Variants in EBF3 observed in about 807,000 individuals in gnomAD.
The protein encoded by EBF3 is EBF transcription factor 3.
In EBF3, 18 loss-of-function variants were observed where a neutral mutation model predicts 77.1. That is an observed-to-expected ratio of 0.23 (90% CI 0.16 to 0.35). The LOEUF (loss-of-function observed/expected upper bound fraction) is 0.35. EBF3 is among the 10% of genes least tolerant of loss of function. The pLI, the probability that EBF3 is intolerant of heterozygous loss-of-function variation, is 1.00. For missense variants in EBF3, 558 were observed against 860.0 expected (o/e 0.65, Z 4.39); for synonymous variants, 350 against 343.5 (o/e 1.02, Z -0.21).
intron 6 of EBF3, among the ~76,000 whole-genome samples, chr10:129,933,685 G>C (rs1392378775): frequency 6.6e-6 from 1 of 152,302 alleles, no homozygotes; most frequent in East Asian, 1.9e-4. Flanking sequence ...ACCTTCACTC[G>C]ATGTCCTCTA....
At position 129,912,777 on chromosome 10, in the gene EBF3, T is replaced by G. The variant is rs117994297; in HGVS notation, c.555-34928A>C. Among the ~76,000 whole-genome samples the G allele has an allele frequency of 1.6e-4, 24 of 152,368 alleles. No homozygotes were observed. The East Asian group carries it at 4.6e-3, about 29-fold the overall frequency. On this transcript the variant is annotated intron_variant, in intron 6 of 16. Coordinates refer to ENST00000440978, the MANE Select transcript of EBF3 (RefSeq NM_001375380.1). ...GTAGAAATATCAATATTTGAATAAA[T>G]TGTGGATTTTAAACTTCTCACTCTG...
intron 6 of EBF3, among the ~76,000 whole-genome samples, chr10:129,942,037 C>T (rs562244282): frequency 1.3e-5 from 2 of 152,294 alleles, no homozygotes; most frequent in South Asian, 2.1e-4. Flanking sequence ...GCTGTTGACC[C>T]CTGTGTCCCC....
chr10:129,876,233 C>G (rs771538677), intron 7 of EBF3, among the ~76,000 whole-genome samples: 6 of 152,182 alleles, frequency 3.9e-5, no homozygotes, highest in Non-Finnish European at 8.8e-5. Flanking sequence ...AGGTCAGTTA[C>G]ACCTTCTGAG....
chr10:129,852,927 A>C (rs1850996834), intron 10 of EBF3, among the ~76,000 whole-genome samples: 1 of 152,180 alleles, frequency 6.6e-6, no homozygotes, highest in Non-Finnish European at 1.5e-5. Flanking sequence ...GAGCAGAGGG[A>C]ACTGCTGCAA....
intron 6 of EBF3, among the ~76,000 whole-genome samples, chr10:129,886,869 G>A (rs574780360): frequency 2.0e-5 from 3 of 152,176 alleles, no homozygotes; most frequent in South Asian, 2.1e-4. Flanking sequence ...CTCTCCTGTC[G>A]TGTGGGGTGC....
intron 10 of EBF3, 131 bp downstream of exon 10, chr10:129,867,010 C>T: frequency 1.5e-6 from 2 of 1,310,834 alleles, no homozygotes; most frequent in Non-Finnish European, 2.0e-6. Context: ...ACCCACAGGC[C>T]AAGGGGGCTT....
rs569902468 is a variant in EBF3 at position 129,947,218 on chromosome 10, C to T, written c.554+10040G>A. ...GGGCCGCCGGGGGACCACCCCATCC[C>T]GGCACACTGATCTGATTTACAAACC... On this transcript the variant is annotated intron_variant, in intron 6 of 16. Coordinates refer to ENST00000440978, the MANE Select transcript of EBF3 (RefSeq NM_001375380.1). The surrounding 1 kb of genome is among the most constrained non-coding windows in gnomAD (Gnocchi z 4.5). Among the ~76,000 whole-genome samples, 2 of 152,348 alleles carry T rather than the reference C, an allele frequency of 1.3e-5. No individual in the cohort carries two copies. The highest frequency in any genetic ancestry group is 2.4e-5 in the African/African-American group (1 of 41,582).
intron 10 of EBF3, among the ~76,000 whole-genome samples, chr10:129,862,038 A>C (rs1851675999): frequency 6.6e-6 from 1 of 152,080 alleles, no homozygotes; most frequent in East Asian, 1.9e-4. Context: ...AGTGGGACTA[A>C]ATTGTGGACA....
At chr10:129,881,831 G>C (rs1853235990) in intron 6 of EBF3, among the ~76,000 whole-genome samples, 1 of 152,168 alleles carries the variant, frequency 6.6e-6, no homozygotes. Flanking sequence ...GAAATCCCGA[G>C]GCCCTCATTT....
At chr10:129,909,663 G>A (rs753618783) in intron 6 of EBF3, among the ~76,000 whole-genome samples, 1 of 152,162 alleles carries the variant, frequency 6.6e-6, no homozygotes, top group African/African-American at 2.4e-5. Flanking sequence ...GCTGGTGTCC[G>A]GGCAGCACTG....
chr10:129,881,946 A>T (rs1277845789), intron 6 of EBF3, among the ~76,000 whole-genome samples: 1 of 152,244 alleles, frequency 6.6e-6, no homozygotes, highest in Non-Finnish European at 1.5e-5. Context: ...AGTCCCAACA[A>T]AAAACTCCAG....
At chr10:129,922,411 G>A (rs941087478) in intron 6 of EBF3, among the ~76,000 whole-genome samples, 9 of 152,212 alleles carry the variant, frequency 5.9e-5, no homozygotes, top group Admixed American at 2.0e-4. Flanking sequence ...CACCCCACCC[G>A]TGCCCCCCGG....
At chr10:129,877,219 G>A (rs937291148) in intron 7 of EBF3, among the ~76,000 whole-genome samples, 6 of 152,118 alleles carry the variant, frequency 3.9e-5, no homozygotes, top group East Asian at 1.9e-4. Context: ...GGCTGGGCAC[G>A]GTGGCTCACG....
intron 4 of EBF3, among the ~76,000 whole-genome samples, chr10:129,961,130 T>C (rs1004783695): frequency 2.6e-5 from 4 of 152,248 alleles, no homozygotes; most frequent in Non-Finnish European, 5.9e-5. Context: ...GGGAGGCATA[T>C]GTGCTGGGCT....
intron 11 of EBF3, chr10:129,845,794 G>GAAAC (rs1850411172): frequency 6.6e-6 from 1 of 151,890 alleles, no homozygotes; most frequent in Admixed American, 6.6e-5. Flanking sequence ...TATGATGCAT[G>GAAAC]AAACAGAAAA....
chr10:129,958,435 C>T (rs1859203858), intron 5 of EBF3, among the ~76,000 whole-genome samples: 1 of 152,196 alleles, frequency 6.6e-6, no homozygotes, highest in African/African-American at 2.4e-5. Context: ...AACGGGCACG[C>T]TATCTAACAA....
chr10:129,932,482 A>C (rs1387592352), intron 6 of EBF3, among the ~76,000 whole-genome samples: 1 of 152,204 alleles, frequency 6.6e-6, no homozygotes. Context: ...GTGCTCTCAA[A>C]GCTTATATTT....
chr10:129,932,283 G>C (rs1417837854), intron 6 of EBF3, among the ~76,000 whole-genome samples: 1 of 152,164 alleles, frequency 6.6e-6, no homozygotes, highest in African/African-American at 2.4e-5. Flanking sequence ...TCTCACATTG[G>C]GGCATTCATT....
rs1470253942 is a variant in EBF3 at position 129,840,176 on chromosome 10, C to T, written c.1759+69G>A. 8 of 1,465,888 alleles carry T rather than the reference C, an allele frequency of 5.5e-6. 1 individual carries two copies. The highest frequency in any genetic ancestry group is 1.4e-5 in the African/African-American group (1 of 69,256). The allele number at this position is 1,465,888 out of a possible 1,614,324, so 90.8% of individuals were successfully genotyped here. On this transcript the variant is annotated intron_variant, in intron 15 of 16. Transcript: ENST00000440978. ...AGGTGCCAGGAGAAAGGCCGAGCCC[C>T]CACCCCCACTCCCATCCCCACCCCT... is the stretch of plus-strand genomic sequence containing the variant.
Sources: gnomAD v4.1 joint callset for allele counts (sites outside exome capture counted in the v4.1 genomes callset) on GRCh38, gnomAD v4.1.1 for gene constraint, Gnocchi (gnomAD v3.1) non-coding constraint, MANE v1.5 for transcripts, NCBI Gene and HGNC (gene_info 2026-07-23, HGNC 2026-07-21) for gene names.